The following KDM5B variants were observed in gnomAD, a reference collection of about 807,000 sequenced individuals.
The protein encoded by KDM5B is lysine-specific demethylase 5B.
KDM5B carries 144 observed loss-of-function variants against 193.4 expected under a neutral mutation model. That is an observed-to-expected ratio of 0.74 (90% CI 0.65 to 0.86). KDM5B has a LOEUF of 0.86. Among genes scored for constraint, KDM5B ranks in the 40% least tolerant of loss-of-function variants. The probability of loss-of-function intolerance (pLI) is 0.00; values close to 1 mark genes in which losing one functional copy is unlikely to be tolerated. For missense variants in KDM5B, 1,833 were observed against 1,886.9 expected (o/e 0.97, Z 0.53); for synonymous variants, 668 against 682.6 (o/e 0.98, Z 0.33).
rs543741644 is a variant in KDM5B, at chr1:202,740,173, G to A, written c.3084+501C>T. Among the ~76,000 whole-genome samples, 415 of 149,680 alleles carry A rather than the reference G, an allele frequency of 2.8e-3. 1 individual carries two copies. The highest frequency in any genetic ancestry group is 3.3e-3 in the Non-Finnish European group (224 of 67,176). ...AGAGGGGCTCCTCACTTCCCAGTAG[G>A]GGCGGCCGGGCAGAGGCGCCCCTCA... On this transcript the variant is annotated intron_variant, in intron 20 of 26. Transcript: ENST00000367265.
chr1:202,745,315 CT>C (rs1348216732), intron 16 of KDM5B, among the ~76,000 whole-genome samples: 1 of 152,074 alleles, frequency 6.6e-6, no homozygotes, highest in Non-Finnish European at 1.5e-5. Flanking sequence ...ACATATACCC[CT>C]GAGGTGAAAA....
At chr1:202,735,686 G>A in intron 21 of KDM5B, 99 bp from the exon 22 acceptor site, 1 of 1,098,510 alleles carries the variant, frequency 9.1e-7, no homozygotes, top group Non-Finnish European at 1.3e-6. Flanking sequence ...AAAAGGATGT[G>A]CATTTCTTAG....
intron 18 of KDM5B, 109 bp from the exon 19 acceptor site, chr1:202,741,831 G>A (rs995102314): frequency 3.1e-6 from 2 of 650,682 alleles, no homozygotes; most frequent in Admixed American, 5.8e-5. Context: ...TTTAATTTTA[G>A]TAATAATATA....
rs747809590 is a variant in KDM5B at position 202,731,777 on chromosome 1, A to G, written c.4021+51T>C. 7 of 1,251,024 alleles carry G rather than the reference A, an allele frequency of 5.6e-6. No individual in the cohort carries two copies. The East Asian group carries it at 1.2e-4, about 21-fold the overall frequency. The allele number at this position is 1,251,024 out of a possible 1,614,324, so 77.5% of individuals were successfully genotyped here. On this transcript the variant is annotated intron_variant, in intron 24 of 26. Transcript: ENST00000367265. ...TCATCTATAATAAAAACCTAGTAAT[A>G]CAAGATCACTCATTACTATCCAGCC... is the stretch of plus-strand genomic sequence containing the variant.
intron 1 of KDM5B, among the ~76,000 whole-genome samples, chr1:202,791,726 T>G (rs12025786): frequency 0.059 from 8,939 of 152,218 alleles, 454 homozygotes; most frequent in East Asian, 0.24. Flanking sequence ...ATTTTTTAAA[T>G]TTATTTATTT....
intron 14 of KDM5B, among the ~76,000 whole-genome samples, chr1:202,748,259 G>A (rs921881203): frequency 1.3e-5 from 2 of 152,100 alleles, no homozygotes; most frequent in Non-Finnish European, 2.9e-5. Flanking sequence ...ACTTGAAATA[G>A]ATGAAAGACC....
At chr1:202,789,600 A>AAGGGTAGGGG (rs1553362148) in intron 1 of KDM5B, among the ~76,000 whole-genome samples, 1 of 918 alleles carries the variant, frequency 1.1e-3, no homozygotes, top group South Asian at 0.021. Flanking sequence ...GAGGAAAGGG[A>AAGGGTAGGGG]AGGGGAAAGG....
At chr1:202,757,295 CA>C (rs1656061401) in intron 9 of KDM5B, among the ~76,000 whole-genome samples, 1 of 152,120 alleles carries the variant, frequency 6.6e-6, no homozygotes, top group Admixed American at 6.6e-5. Flanking sequence ...TGGTATTGGT[CA>C]ATGGCCAGGT....
At chr1:202,789,249 G>T (rs887233489) in intron 1 of KDM5B, among the ~76,000 whole-genome samples, 1 of 152,258 alleles carries the variant, frequency 6.6e-6, no homozygotes, top group East Asian at 1.9e-4. Flanking sequence ...CGGGCACAGT[G>T]GCTCATCATG....
chr1:202,770,244 TATC>T (rs1656656664), intron 4 of KDM5B, among the ~76,000 whole-genome samples: 1 of 152,218 alleles, frequency 6.6e-6, no homozygotes, highest in African/African-American at 2.4e-5. Flanking sequence ...AGGTGATTAA[TATC>T]ATCATCATGC....
At chr1:202,731,990 C>T in intron 23 of KDM5B, 51 bp from the exon 24 acceptor site, 1 of 1,211,230 alleles carries the variant, frequency 8.3e-7, no homozygotes, top group Non-Finnish European at 1.2e-6. Context: ...ATTAAAAATA[C>T]TCCCATTAGT....
At chr1:202,768,334 AAAGT>A (rs1213644772) in intron 4 of KDM5B, among the ~76,000 whole-genome samples, 6 of 152,200 alleles carry the variant, frequency 3.9e-5, no homozygotes, top group Non-Finnish European at 7.3e-5. Flanking sequence ...AACCTTTGTA[AAAGT>A]AAGTTCCAAA....
intron 13 of KDM5B, among the ~76,000 whole-genome samples, chr1:202,750,285 A>G (rs1163564032): frequency 6.6e-6 from 1 of 151,962 alleles, no homozygotes; most frequent in Non-Finnish European, 1.5e-5. Flanking sequence ...TGTGACATTT[A>G]TTTATTTTTT....
chr1:202,783,813 G>A (rs1038927118), intron 1 of KDM5B, among the ~76,000 whole-genome samples: 5 of 152,092 alleles, frequency 3.3e-5, no homozygotes, highest in East Asian at 1.9e-4. Flanking sequence ...CCCGGGAGGC[G>A]GAGCTTGCAG....
In KDM5B at chr1:202,729,958, T is replaced by A; in HGVS notation, c.4246A>T (p.Arg1416Ter). ...CACCGCTCACTGGAGAGGCCCTCTC[T>A]TTCCAGGCGTCTCTTCAGTTTTCTC... ...LERKLKRRLE[R>*]EGLSSERWER... Residue 1416 changes from arginine (R) to a stop codon, truncating the protein, a stop_gained, in exon 26 of 27, where the codon AGA becomes TGA. Coordinates refer to ENST00000367265, the MANE Select transcript of KDM5B (RefSeq NM_006618.5). LOFTEE classifies it high-confidence loss of function. 1 of 1,614,048 alleles carries A rather than the reference T, an allele frequency of 6.2e-7. No individual in the cohort carries two copies. Among genetic ancestry groups the A allele is most frequent in the Non-Finnish European group, 8.5e-7 (1 of 1,179,994 alleles).
intron 3 of KDM5B, among the ~76,000 whole-genome samples, chr1:202,773,931 T>C (rs974098737): frequency 1.3e-5 from 2 of 151,980 alleles, no homozygotes; most frequent in African/African-American, 4.8e-5. Context: ...GAGACGGGGT[T>C]TCGACATGTT....
intron 4 of KDM5B, among the ~76,000 whole-genome samples, chr1:202,771,544 C>T (rs1056201215): frequency 4.0e-5 from 6 of 151,636 alleles, no homozygotes; most frequent in Non-Finnish European, 5.9e-5. Context: ...CATGAGCCAC[C>T]GCACCCAGCC....
intron 20 of KDM5B, among the ~76,000 whole-genome samples, chr1:202,740,352 C>CG (rs1196060813): frequency 2.5e-5 from 3 of 122,110 alleles, no homozygotes; most frequent in Admixed American, 8.3e-5. Context: ...GCCGGCCGGG[C>CG]GGGGGGCTGA....
rs867425492 is a variant in KDM5B at position 202,753,731 on chromosome 1, G to A, written c.1539-664C>T. Among the ~76,000 whole-genome samples, 18 of 140,950 alleles carry A rather than the reference G, an allele frequency of 1.3e-4. No homozygotes were observed. In the South Asian group the frequency reaches 1.9e-3, roughly 15 times the overall value. The allele number at this position is 140,950 out of a possible 152,430, so 92.5% of individuals were successfully genotyped here. A position where few individuals can be genotyped will look rare whatever the true frequency, so the allele number is the denominator to read the frequency against. On this transcript the variant is annotated intron_variant, in intron 11 of 26. Transcript: ENST00000367265. ...GTTGTCCATGCTGAAGTGCAATGAC[G>A]CAATCTTGGCTCACTGCAACCTCCA...
Sources: allele counts gnomAD v4.1 joint callset (sites outside exome capture counted in the v4.1 genomes callset), GRCh38; gene constraint gnomAD v4.1.1; transcripts MANE v1.5; gene names NCBI Gene and HGNC (gene_info 2026-07-23, HGNC 2026-07-21).